SEC31B: variants seen among roughly 807,000 people sequenced by gnomAD.
SEC31B encodes the protein protein transport protein Sec31B.
Under a neutral mutation model 135.0 loss-of-function variants are expected in SEC31B, and 113 were observed. The ratio of observed to expected loss-of-function variants is 0.84; its 90% CI spans 0.72 to 0.98. SEC31B has a LOEUF of 0.98. Ranked by LOEUF, SEC31B falls within the 50% of genes least tolerant of loss-of-function variation. The pLI is 0.00. For missense variants in SEC31B, 1,296 were observed against 1,421.1 expected (o/e 0.91, Z 1.42); for synonymous variants, 508 against 549.4 (o/e 0.92, Z 1.05).
intron 22 of SEC31B, 65 bp from the exon 23 acceptor site, chr10:100,489,463 GT>G (rs1278220462): frequency 6.4e-7 from 1 of 1,574,698 alleles, no homozygotes; most frequent in East Asian, 2.2e-5. Context: ...GTTTTGGGGA[GT>G]GGCAGGAATG....
intron 5 of SEC31B, chr10:100,508,314 T>A: frequency 1.8e-6 from 1 of 552,768 alleles, no homozygotes; most frequent in Non-Finnish European, 3.3e-6. Flanking sequence ...GTCAAGATTT[T>A]AAAAAACAGC....
chr10:100,502,059 T>A (rs1851534142), intron 11 of SEC31B, among the ~76,000 whole-genome samples, 195 bp downstream of exon 11: 1 of 152,212 alleles, frequency 6.6e-6, no homozygotes, highest in Non-Finnish European at 1.5e-5. Flanking sequence ...TCTTCCCAAA[T>A]GGCCTTTGAG....
At chr10:100,496,680 C>T (rs1851415882) in intron 17 of SEC31B, among the ~76,000 whole-genome samples, 2 of 152,206 alleles carry the variant, frequency 1.3e-5, no homozygotes, top group Admixed American at 1.3e-4. Flanking sequence ...ACATCTCTAC[C>T]TCTTCCTTTT....
intron 17 of SEC31B, 28 bp downstream of exon 17, chr10:100,497,107 T>C (rs1589733305): frequency 6.2e-7 from 1 of 1,606,332 alleles, no homozygotes; most frequent in Admixed American, 1.7e-5. Flanking sequence ...TGGTGTGGAG[T>C]GGCCAGTACC....
chr10:100,488,230 C>T (rs779950221), intron 24 of SEC31B, 132 bp from the exon 25 acceptor site: 14 of 733,546 alleles, frequency 1.9e-5, no homozygotes, highest in South Asian at 4.7e-5. Flanking sequence ...GAGGCCAAGG[C>T]GGGTGGATCA....
Position 100,506,220 on chromosome 10 carries a change from C to T in SEC31B, c.883-19G>A. 1 of 1,614,136 alleles carries T rather than the reference C, an allele frequency of 6.2e-7. No individual in the cohort carries two copies. The highest frequency in any genetic ancestry group is 1.1e-5 in the South Asian group (1 of 91,084). ...ATACCACCTAATATGAGGGAACACA[C>T]CATTAGGGACAGTCCATGAAACCCA... On this transcript the variant is annotated intron_variant, in intron 8 of 25. Coordinates refer to ENST00000370345, the MANE Select transcript of SEC31B (RefSeq NM_015490.4).
In SEC31B at chr10:100,506,430, G is replaced by C. The variant is rs773194327; in HGVS notation, c.783-10C>G. 10 of 1,613,656 alleles carry C rather than the reference G, an allele frequency of 6.2e-6. No homozygotes were observed. Among genetic ancestry groups the C allele is most frequent in the Non-Finnish European group, 6.8e-6 (8 of 1,179,586 alleles). On this transcript the variant is annotated splice_polypyrimidine_tract_variant and intron_variant, in intron 7 of 25. Transcript: ENST00000370345. ...CACTGACAAGATCCCCCTAAAAAGA[G>C]AAGGGAAGAGGAACTAGCATTTGTT... is the stretch of plus-strand genomic sequence containing the variant.
intron 19 of SEC31B, among the ~76,000 whole-genome samples, chr10:100,493,114 C>T (rs1311107556): frequency 6.6e-6 from 1 of 152,196 alleles, no homozygotes; most frequent in African/African-American, 2.4e-5. Context: ...TGGCTCATGC[C>T]TATAATCCCA....
intron 12 of SEC31B, 90 bp downstream of exon 12, chr10:100,499,434 C>G: frequency 1.7e-6 from 2 of 1,185,904 alleles, no homozygotes; most frequent in East Asian, 4.7e-5. Flanking sequence ...ATAATAAGGC[C>G]AGGAAGAGGT....
At chr10:100,501,215 A>G (rs1851517271) in intron 11 of SEC31B, among the ~76,000 whole-genome samples, 1 of 152,140 alleles carries the variant, frequency 6.6e-6, no homozygotes, top group Non-Finnish European at 1.5e-5. Flanking sequence ...ATTGTACTCC[A>G]GCCTGAGCGA....
At chr10:100,507,305 G>T in intron 7 of SEC31B, 120 bp downstream of exon 7, 1 of 1,261,286 alleles carries the variant, frequency 7.9e-7, no homozygotes, top group Non-Finnish European at 1.1e-6. Flanking sequence ...TATGTTGACC[G>T]GAATGGCTTT....
intron 15 of SEC31B, 71 bp downstream of exon 15, chr10:100,497,958 A>G (rs1851444094): frequency 6.3e-7 from 1 of 1,588,846 alleles, no homozygotes; most frequent in South Asian, 1.1e-5. Flanking sequence ...CATGGGTCCC[A>G]AGGTGTGGGT....
intron 3 of SEC31B, among the ~76,000 whole-genome samples, chr10:100,512,985 C>T (rs1303405860): frequency 6.6e-6 from 1 of 152,016 alleles, no homozygotes; most frequent in African/African-American, 2.4e-5. Flanking sequence ...ATGCAGAAGA[C>T]ACAGAAAAAA....
chr10:100,519,650 C>G, intron 1 of SEC31B, 132 bp downstream of exon 1: 1 of 152,438 alleles, frequency 6.6e-6, no homozygotes, highest in Non-Finnish European at 1.5e-5. Flanking sequence ...GACCCGCGGG[C>G]AGGGCAGGCG....
intron 11 of SEC31B, among the ~76,000 whole-genome samples, chr10:100,500,610 C>A (rs1851503809): frequency 6.6e-6 from 1 of 152,096 alleles, no homozygotes; most frequent in South Asian, 2.1e-4. Flanking sequence ...GCCACCGCAC[C>A]CAGCCTTGTG....
rs1236514850 is a variant in SEC31B at position 100,516,638 on chromosome 10, G to A, written c.79+236C>T. ...CACTCCAGCCTGAGCGACAGAGTGA[G>A]ACTCTGTCTCAAAAAAAAAAAAAAA... On this transcript the variant is annotated intron_variant, in intron 2 of 25. Coordinates refer to ENST00000370345, the MANE Select transcript of SEC31B (RefSeq NM_015490.4). 9.6e-5 allele frequency among the ~76,000 whole-genome samples: 11 copies of A among 114,934 alleles called. No homozygotes were observed. In the East Asian group the frequency reaches 1.1e-3, roughly 11 times the overall value. 75.4% of individuals were successfully genotyped at this position (114,934 alleles called of 152,430 possible).
chr10:100,505,601 C>G (rs1851614890), intron 9 of SEC31B, 106 bp from the exon 10 acceptor site: 2 of 1,476,568 alleles, frequency 1.4e-6, no homozygotes, highest in Non-Finnish European at 1.8e-6. Context: ...CCCAATTTGA[C>G]CTAGAAAGGT....
chr10:100,500,337 CAG>C (rs2133683649), intron 11 of SEC31B, among the ~76,000 whole-genome samples: 1 of 150,982 alleles, frequency 6.6e-6, no homozygotes, highest in South Asian at 2.1e-4. Context: ...TTTTTTTAGA[CAG>C]ACTCTTGCTG....
chr10:100,490,834 G>A lies in SEC31B; in HGVS notation c.2522C>T (p.Pro841Leu). The change falls in exon 20 of 26, where the codon CCA becomes CTA. Residue 841 changes from proline to leucine, a missense_variant. Pro to Leu is a moderately conservative substitution (Grantham distance 98). Transcript: ENST00000370345. The stretch of plus-strand genomic sequence containing the variant: ...ATGGGAAGGTGCCAAGGGCATCGCT[G>A]GTGATGACTGAGGGGTGAAAACCCT... ...RPRVFTPQSS[P>L]AMPLAPSHPS... is the part of the protein sequence containing the mutation. The A allele has an allele frequency of 6.3e-7, 1 of 1,594,662 alleles. No homozygotes were observed. Among genetic ancestry groups the A allele is most frequent in the Non-Finnish European group, 8.6e-7 (1 of 1,167,818 alleles).
Sources: allele counts gnomAD v4.1 joint callset (sites outside exome capture counted in the v4.1 genomes callset), GRCh38; gene constraint gnomAD v4.1.1; transcripts MANE v1.5; gene names NCBI Gene and HGNC (gene_info 2026-07-23, HGNC 2026-07-21).